CNTN4: variants seen among roughly 807,000 people sequenced by gnomAD.
The protein encoded by CNTN4 is contactin-4.
A neutral mutation model predicts 122.5 loss-of-function variants in CNTN4; 77 were observed. That is an observed-to-expected ratio of 0.63 (90% CI 0.52 to 0.76). The LOEUF (loss-of-function observed/expected upper bound fraction) is 0.76, where lower values mean the gene tolerates loss of function less well. Ranked by LOEUF, CNTN4 falls within the 30% of genes least tolerant of loss-of-function variation. CNTN4 has a pLI of 0.00. For synonymous variants in CNTN4, 512 were observed against 447.0 expected (o/e 1.15, Z -1.83); for missense variants, 1,256 against 1,259.1 (o/e 1.00, Z 0.04).
At chr3:2,895,232 T>C (rs2094094618) in intron 10 of CNTN4, among the ~76,000 whole-genome samples, 2 of 152,086 alleles carry the variant, frequency 1.3e-5, no homozygotes, top group South Asian at 4.1e-4. Context: ...TGCCTCGGCC[T>C]CCCAAAGTGC....
At chr3:2,572,120 G>A (rs11709584) in intron 4 of CNTN4, among the ~76,000 whole-genome samples, 21,433 of 152,184 alleles carry the variant, frequency 0.14, 1,732 homozygotes, top group Non-Finnish European at 0.18. Context: ...GGGCGCAGTG[G>A]CTCACACCAT....
chr3:2,669,999 T>A, intron 4 of CNTN4, among the ~76,000 whole-genome samples: 1 of 152,154 alleles, frequency 6.6e-6, no homozygotes, highest in East Asian at 1.9e-4. Flanking sequence ...TGCTGAGGAG[T>A]GCTTTACTTC....
intron 3 of CNTN4, among the ~76,000 whole-genome samples, chr3:2,510,388 GTTTA>G (rs962248389): frequency 2.7e-5 from 4 of 145,936 alleles, no homozygotes; most frequent in African/African-American, 7.4e-5. Context: ...TTTTTTTGTT[GTTTA>G]TTTGTTTGTT....
chr3:2,484,550 T>C (rs533521473), intron 3 of CNTN4, among the ~76,000 whole-genome samples: 1 of 152,310 alleles, frequency 6.6e-6, no homozygotes, highest in Admixed American at 6.5e-5. Context: ...CTATAGGGGA[T>C]GAGGCTTGTA....
At chr3:2,786,284 C>G (rs144356004) in intron 6 of CNTN4, among the ~76,000 whole-genome samples, 1 of 152,304 alleles carries the variant, frequency 6.6e-6, no homozygotes, top group Non-Finnish European at 1.5e-5. Flanking sequence ...TGTTTTAACA[C>G]TTAAAGTGTC....
intron 2 of CNTN4, among the ~76,000 whole-genome samples, chr3:2,333,094 C>A (rs2043803437): frequency 1.3e-5 from 2 of 152,248 alleles, no homozygotes; most frequent in South Asian, 4.1e-4. Context: ...TACATCAAGA[C>A]AACTTGTGAA....
At chr3:2,949,824 A>G (rs546020279) in intron 13 of CNTN4, among the ~76,000 whole-genome samples, 2 of 152,224 alleles carry the variant, frequency 1.3e-5, no homozygotes, top group Admixed American at 6.5e-5. Context: ...TACTTACAAT[A>G]CCCAAACCCT....
At chr3:2,725,562 T>C (rs762673820) in intron 4 of CNTN4, among the ~76,000 whole-genome samples, 3 of 152,016 alleles carry the variant, frequency 2.0e-5, no homozygotes, top group Non-Finnish European at 4.4e-5. Context: ...TAGTTATATA[T>C]ATTTTTTTAC....
chr3:2,990,846 G>A (rs1198977369), intron 14 of CNTN4, among the ~76,000 whole-genome samples: 2 of 152,104 alleles, frequency 1.3e-5, no homozygotes, highest in East Asian at 1.9e-4. Context: ...AGTAAGTATA[G>A]GATATAGTTT....
At chr3:3,045,963 G>A (rs1041664904) in intron 23 of CNTN4, among the ~76,000 whole-genome samples, 1 of 152,166 alleles carries the variant, frequency 6.6e-6, no homozygotes, top group Non-Finnish European at 1.5e-5. Flanking sequence ...ACCATGGCAC[G>A]AGAACTACAT....
At chr3:2,106,644 C>T (rs567861358) in intron 2 of CNTN4, among the ~76,000 whole-genome samples, 107 of 152,320 alleles carry the variant, frequency 7.0e-4, no homozygotes, top group African/African-American at 2.4e-3. Flanking sequence ...CCGTTTTTCC[C>T]TCCTAGACCT....
chr3:2,574,042 C>T (rs2079546783), intron 4 of CNTN4, among the ~76,000 whole-genome samples: 1 of 152,036 alleles, frequency 6.6e-6, no homozygotes, highest in Non-Finnish European at 1.5e-5. Flanking sequence ...CATGAAGAAG[C>T]CCCGTCTCTA....
intron 6 of CNTN4, among the ~76,000 whole-genome samples, chr3:2,793,487 T>C (rs1364564175): frequency 6.6e-6 from 1 of 152,106 alleles, no homozygotes; most frequent in African/African-American, 2.4e-5. Flanking sequence ...TGTCCCTTAA[T>C]TACGGATGTT....
intron 7 of CNTN4, among the ~76,000 whole-genome samples, chr3:2,861,049 A>C (rs1483578734): frequency 2.0e-5 from 3 of 152,234 alleles, no homozygotes; most frequent in African/African-American, 7.2e-5. Flanking sequence ...TTTGTTGAAA[A>C]AAATGCCAAA....
intron 4 of CNTN4, among the ~76,000 whole-genome samples, chr3:2,653,414 G>A (rs1214615019): frequency 6.6e-6 from 1 of 152,032 alleles, no homozygotes; most frequent in Non-Finnish European, 1.5e-5. Flanking sequence ...TTTAGATTTT[G>A]GGTTCATAGA....
chr3:2,401,598 T>G (rs2046861900), intron 3 of CNTN4, among the ~76,000 whole-genome samples: 2 of 152,258 alleles, frequency 1.3e-5, no homozygotes, highest in Admixed American at 6.5e-5. Flanking sequence ...TCAAATGACT[T>G]GATTGAAGAC....
chr3:2,238,057 T>C (rs1483955589), intron 2 of CNTN4, among the ~76,000 whole-genome samples: 1 of 151,788 alleles, frequency 6.6e-6, no homozygotes, highest in Non-Finnish European at 1.5e-5. Context: ...CCCTGGAAAG[T>C]AATTGACTAA....
At chr3:2,743,440 T>C (rs2089578040) in intron 5 of CNTN4, among the ~76,000 whole-genome samples, 1 of 152,202 alleles carries the variant, frequency 6.6e-6, no homozygotes, top group African/African-American at 2.4e-5. Flanking sequence ...AATCTTCTTA[T>C]ATACAAACAC....
chr3:2,612,045 C>G (rs569236573), intron 4 of CNTN4, among the ~76,000 whole-genome samples: 2 of 151,814 alleles, frequency 1.3e-5, no homozygotes, highest in African/African-American at 2.4e-5. Context: ...AAAAATAACA[C>G]ATGCTTTCAA....
Sources: gnomAD v4.1 joint callset for allele counts (sites outside exome capture counted in the v4.1 genomes callset) on GRCh38, gnomAD v4.1.1 for gene constraint, MANE v1.5 for transcripts, NCBI Gene and HGNC (gene_info 2026-07-23, HGNC 2026-07-21) for gene names.